Variants in DHRS2 observed in about 807,000 individuals in gnomAD.
DHRS2 encodes the protein dehydrogenase/reductase 2.
DHRS2 carries 29 observed loss-of-function variants against 26.3 expected under a neutral mutation model. The ratio of observed to expected loss-of-function variants is 1.10; its 90% CI spans 0.82 to 1.50. The LOEUF (loss-of-function observed/expected upper bound fraction) is 1.50. DHRS2 is among the 40% of genes most tolerant of loss of function. The probability of loss-of-function intolerance (pLI) is 0.00; values close to 1 mark genes in which losing one functional copy is unlikely to be tolerated. For missense variants in DHRS2, 439 were observed against 367.1 expected (o/e 1.20, Z -1.60); for synonymous variants, 164 against 151.3 (o/e 1.08, Z -0.62).
At chr14:23,639,058 C>A in intron 2 of DHRS2, 54 bp downstream of exon 2, 1 of 1,599,540 alleles carries the variant, frequency 6.3e-7, no homozygotes, top group Non-Finnish European at 8.5e-7. Context: ...CTTGTGGCTT[C>A]CACAAGGACT....
At chr14:23,643,055 C>A in intron 4 of DHRS2, 97 bp from the exon 5 acceptor site, 1 of 1,182,248 alleles carries the variant, frequency 8.5e-7, no homozygotes, top group South Asian at 1.3e-5. Flanking sequence ...TACATTGGGT[C>A]TACTGCACAA....
chr14:23,645,594 G>T lies in DHRS2; in HGVS notation c.*341G>T. ...TCAGCTCCTCCTCTCTGTAATTTGT[G>T]CTTTAAGCATTTTTTTTCCTAAAAT... is the stretch of plus-strand genomic sequence containing the variant. On this transcript the variant is annotated 3_prime_UTR_variant, in exon 9 of 9. Coordinates refer to ENST00000250383, the MANE Select transcript of DHRS2 (RefSeq NM_005794.4). The T allele has an allele frequency of 2.9e-6, 1 of 345,924 alleles. No individual in the cohort carries two copies. Among genetic ancestry groups the T allele is most frequent in the Non-Finnish European group, 5.3e-6 (1 of 190,338 alleles). The allele number at this position is 345,924 out of a possible 1,614,324, so 21.4% of individuals were successfully genotyped here. A position where few individuals can be genotyped will look rare whatever the true frequency, so the allele number is the denominator to read the frequency against.
rs1278714446 is a variant in DHRS2 at position 23,645,183 on chromosome 14, T to C, written c.773T>C (p.Leu258Pro). Residue 258 changes from leucine (L) to proline (P), a missense_variant, in exon 9 of 9, where the codon CTG (leucine) becomes CCG (proline). By Grantham distance (98) the Leu-to-Pro change is moderately conservative. Transcript: ENST00000250383. ...GACTGTGCAGGAATCGTGTCCTTCCTGTGCTCTCCAGATGCCAGCTACGTC... is the reference window on the plus strand; with the variant it reads ...GACTGTGCAGGAATCGTGTCCTTCCCGTGCTCTCCAGATGCCAGCTACGTC... Reference protein sequence around the residue: ...SEDCAGIVSFLCSPDASYVNG... With the variant: ...SEDCAGIVSFPCSPDASYVNG... The C allele has an allele frequency of 6.2e-7, 1 of 1,614,168 alleles. No homozygotes were observed. The highest frequency in any genetic ancestry group is 8.5e-7 in the Non-Finnish European group (1 of 1,180,000).
At chr14:23,635,909 G>A (rs1193103146), upstream of DHRS2, among the ~76,000 whole-genome samples, 5 of 152,246 alleles carry the variant, frequency 3.3e-5, no homozygotes. Context: ...AGCTCCCTCT[G>A]GGCTGCTGGA....
chr14:23,633,635 T>G (rs1470351353), upstream of DHRS2, among the ~76,000 whole-genome samples: 2 of 151,824 alleles, frequency 1.3e-5, no homozygotes, highest in African/African-American at 2.4e-5. Flanking sequence ...GAGGGAGGAG[T>G]GGAGCCTGTG....
chr14:23,643,830 C>G (rs1170910635), intron 5 of DHRS2: 2 of 480,332 alleles, frequency 4.2e-6, no homozygotes, highest in Non-Finnish European at 7.6e-6. Flanking sequence ...CAAAGCCCAC[C>G]CTGCCCTCTC....
At chr14:23,634,059 C>CTTTTTTTT (rs58045171), upstream of DHRS2, among the ~76,000 whole-genome samples, 8 of 82,450 alleles carry the variant, frequency 9.7e-5, no homozygotes, top group East Asian at 4.3e-4. Flanking sequence ...TTTGCCCCTT[C>CTTTTTTTT]TTTTTTTTTT....
At chr14:23,637,607 G>T (rs1890388101) in intron 1 of DHRS2, among the ~76,000 whole-genome samples, 1 of 152,106 alleles carries the variant, frequency 6.6e-6, no homozygotes, top group Admixed American at 6.5e-5. Flanking sequence ...ACAGGAGAAT[G>T]CTTAGGACTC....
rs747629991 is a variant in DHRS2 at position 23,639,161 on chromosome 14, C to T, written c.141-18C>T. The T allele has an allele frequency of 7.5e-6, 12 of 1,610,720 alleles. No individual in the cohort carries two copies. Among genetic ancestry groups the T allele is most frequent in the African/African-American group, 1.3e-5 (1 of 74,888 alleles). Reference sequence around the variant, plus strand: ...AGAGAGGCTGAGGCTGACTTTTGCCCTCCATCTCTGCATTCAGGATCGGCT... The same window carrying T: ...AGAGAGGCTGAGGCTGACTTTTGCCTTCCATCTCTGCATTCAGGATCGGCT... On this transcript the variant is annotated intron_variant, in intron 2 of 8. Coordinates refer to ENST00000250383, the MANE Select transcript of DHRS2 (RefSeq NM_005794.4).
chr14:23,632,046 G>C (rs1594232414), upstream of DHRS2, among the ~76,000 whole-genome samples: 2 of 152,210 alleles, frequency 1.3e-5, no homozygotes, highest in African/African-American at 4.8e-5. Flanking sequence ...AGAACTGTTA[G>C]AGGCCAGAAA....
chr14:23,642,960 AGCCT>A, intron 4 of DHRS2, 188 bp from the exon 5 acceptor site: 1 of 591,960 alleles, frequency 1.7e-6, no homozygotes. Flanking sequence ...CCTGTGACTT[AGCCT>A]GCCTGCCTAT....
At chr14:23,630,930 G>A (rs1425120275) in intron 1 of DHRS2, among the ~76,000 whole-genome samples, 2 of 150,730 alleles carry the variant, frequency 1.3e-5, no homozygotes, top group East Asian at 3.8e-4. Context: ...AGTTGTGGGA[G>A]CCAAGGTTCT....
rs201826965 is a variant in DHRS2, at chr14:23,639,356, G to A, written c.318G>A (p.Lys106=). The change falls in exon 3 of 9, where the codon AAG becomes AAA. Residue 106 remains lysine, a splice_region_variant and synonymous_variant. Coordinates refer to ENST00000250383, the MANE Select transcript of DHRS2 (RefSeq NM_005794.4). The part of the protein sequence containing the change: ...KAEDREQLVA[K]ALEHCGGVDF... ...AGGACCGGGAGCAGCTGGTGGCCAA[G>A]GTGAGGGGGCAGGCGGTGGAAGGAC... The A allele has an allele frequency of 1.9e-5, 30 of 1,564,134 alleles. No homozygotes were observed. The highest frequency in any genetic ancestry group is 2.3e-5 in the Non-Finnish European group (27 of 1,156,830).
chr14:23,645,298 C>T lies in DHRS2; in HGVS notation c.*45C>T, dbSNP rs1216577324. The T allele has an allele frequency of 1.9e-6, 3 of 1,613,048 alleles. No individual in the cohort carries two copies. The highest frequency in any genetic ancestry group is 8.5e-7 in the Non-Finnish European group (1 of 1,180,002). On this transcript the variant is annotated 3_prime_UTR_variant, in exon 9 of 9. Coordinates refer to ENST00000250383, the MANE Select transcript of DHRS2 (RefSeq NM_005794.4). ...GTAGCTGTGGTCCCAGGCCCAGGAG[C>T]CTGAGGGGGTGTCTAGGTGATCATT... is the stretch of plus-strand genomic sequence containing the variant.
chr14:23,643,045 T>C (rs905514288), intron 4 of DHRS2, 107 bp from the exon 5 acceptor site: 17 of 1,062,028 alleles, frequency 1.6e-5, no homozygotes, highest in Non-Finnish European at 2.4e-5. Context: ...TATATGCACA[T>C]ACATTGGGTC....
In DHRS2 at chr14:23,644,182, G is replaced by A. The variant is rs1327962127; in HGVS notation, c.540+20G>A. On this transcript the variant is annotated intron_variant, in intron 6 of 8. Transcript: ENST00000250383. Reference sequence around the variant, plus strand: ...GTAGTGGTAAGTGCTTGGTCCTTGTGCTCCTGAGTGGTATAGGGTGAGGGG... The same window carrying A: ...GTAGTGGTAAGTGCTTGGTCCTTGTACTCCTGAGTGGTATAGGGTGAGGGG... 6.2e-7 allele frequency: 1 copy of A among 1,613,910 alleles called. No homozygotes were observed. The highest frequency in any genetic ancestry group is 1.1e-5 in the South Asian group (1 of 91,076).
chr14:23,637,138 T>C (rs1014380124), intron 1 of DHRS2, among the ~76,000 whole-genome samples: 1 of 152,172 alleles, frequency 6.6e-6, no homozygotes, highest in African/African-American at 2.4e-5. Context: ...ATCCTATCTA[T>C]CCTGACCCTT....
chr14:23,638,775 C>T, intron 1 of DHRS2, 52 bp from the exon 2 acceptor site: 6 of 1,534,166 alleles, frequency 3.9e-6, no homozygotes, highest in Non-Finnish European at 5.3e-6. Context: ...GGTAGATTAC[C>T]TTCATGCTCA....
At chr14:23,641,750 T>A in intron 4 of DHRS2, 1 of 1,289,490 alleles carries the variant, frequency 7.8e-7, no homozygotes, top group Non-Finnish European at 1.0e-6. Context: ...TAACCTGTCA[T>A]CAAATGGGCC....
Sources: allele counts gnomAD v4.1 joint callset (sites outside exome capture counted in the v4.1 genomes callset), GRCh38; gene constraint gnomAD v4.1.1; transcripts MANE v1.5; gene names NCBI Gene and HGNC (gene_info 2026-07-23, HGNC 2026-07-21).